Variants in CNTLN observed in about 807,000 individuals in gnomAD.
CNTLN encodes centlein, centrosomal protein.
Under a neutral mutation model 180.0 loss-of-function variants are expected in CNTLN, and 212 were observed. The ratio of observed to expected loss-of-function variants is 1.18; its 90% confidence interval spans 1.05 to 1.32. The LOEUF is 1.32. Ranked by LOEUF, CNTLN falls within the 40% of genes most tolerant of loss-of-function variation. CNTLN has a pLI of 0.00. For missense variants in CNTLN, 2,095 were observed against 1,610.9 expected (o/e 1.30, Z -5.14); for synonymous variants, 722 against 563.1 (o/e 1.28, Z -3.99).
Position 17,186,540 on chromosome 9 carries a change from C to T in CNTLN, c.450-39663C>T, listed in dbSNP as rs147671109. 5.7e-3 allele frequency among the ~76,000 whole-genome samples: 872 copies of T among 152,254 alleles called. 11 individuals carry two copies. Among genetic ancestry groups the T allele is most frequent in the African/African-American group, 0.02 (814 of 41,556 alleles). On this transcript the variant is annotated intron_variant, in intron 2 of 25. Coordinates refer to ENST00000380647, the MANE Select transcript of CNTLN (RefSeq NM_017738.4). ...TGGATTAGAAATTCTTGCCAGGCCA[C>T]CTTGCTTAGTGTAGTTTAATAGTAG...
intron 8 of CNTLN, among the ~76,000 whole-genome samples, chr9:17,327,491 T>C (rs1407347477): frequency 2.6e-5 from 2 of 76,532 alleles, no homozygotes; most frequent in African/African-American, 3.9e-5. Flanking sequence ...GCTGTTTCCT[T>C]TTTTTTTTTT....
At chr9:17,384,967 C>A (rs1825574209) in intron 13 of CNTLN, among the ~76,000 whole-genome samples, 1 of 152,210 alleles carries the variant, frequency 6.6e-6, no homozygotes, top group East Asian at 1.9e-4. Flanking sequence ...CATTTTAGAT[C>A]CCAGTCACAA....
chr9:17,322,664 T>A lies in CNTLN; in HGVS notation c.1342-7968T>A, dbSNP rs1317997164. On this transcript the variant is annotated intron_variant, in intron 8 of 25. Transcript: ENST00000380647. ...AAATTACATTACCCTTACTGAAATCTGAATGGCTTTTAGTGGATTAATTAA... is the reference window on the plus strand; with the variant it reads ...AAATTACATTACCCTTACTGAAATCAGAATGGCTTTTAGTGGATTAATTAA... Among the ~76,000 whole-genome samples the A allele has an allele frequency of 2.0e-5, 3 of 152,178 alleles. No homozygotes were observed. In the East Asian group the frequency reaches 5.8e-4, roughly 29 times the overall value.
intron 18 of CNTLN, among the ~76,000 whole-genome samples, chr9:17,453,060 C>T (rs1388202088): frequency 6.6e-6 from 1 of 151,992 alleles, no homozygotes; most frequent in Non-Finnish European, 1.5e-5. Flanking sequence ...GACTATAATC[C>T]AAGCATTTTG....
intron 5 of CNTLN, among the ~76,000 whole-genome samples, chr9:17,239,361 A>G (rs1176758082): frequency 6.6e-6 from 1 of 152,200 alleles, no homozygotes; most frequent in Non-Finnish European, 1.5e-5. Context: ...TTGTGTACAT[A>G]CTGGATCCAC....
chr9:17,241,020 G>T (rs962781678), intron 5 of CNTLN, among the ~76,000 whole-genome samples: 1 of 151,978 alleles, frequency 6.6e-6, no homozygotes, highest in African/African-American at 2.4e-5. Flanking sequence ...CACCACACCC[G>T]GCTAATTTTT....
intron 2 of CNTLN, among the ~76,000 whole-genome samples, chr9:17,215,390 G>A (rs749609352): frequency 6.6e-5 from 10 of 152,186 alleles, no homozygotes; most frequent in Non-Finnish European, 1.5e-4. Flanking sequence ...AGCAAATGTT[G>A]CTGCCTGATC....
At chr9:17,446,765 A>G (rs961592315) in intron 18 of CNTLN, among the ~76,000 whole-genome samples, 1 of 152,168 alleles carries the variant, frequency 6.6e-6, no homozygotes, top group Non-Finnish European at 1.5e-5. Flanking sequence ...GCTAGTCCAC[A>G]AAGGCCTTTT....
rs1422799208 is a variant in CNTLN, at chr9:17,263,381, T to C, written c.850-10352T>C. Among the ~76,000 whole-genome samples the C allele has an allele frequency of 2.0e-5, 3 of 151,172 alleles. 1 individual carries two copies. Among genetic ancestry groups the C allele is most frequent in the Non-Finnish European group, 4.4e-5 (3 of 68,028 alleles). ...TACAAAGGACATGAACTCATCATTT[T>C]TTATGGCTGCATAGTATTCCATGGT... On this transcript the variant is annotated intron_variant, in intron 5 of 25. Coordinates refer to ENST00000380647, the MANE Select transcript of CNTLN (RefSeq NM_017738.4).
chr9:17,453,195 C>T (rs905615192), intron 18 of CNTLN, among the ~76,000 whole-genome samples: 3 of 151,972 alleles, frequency 2.0e-5, no homozygotes, highest in African/African-American at 4.8e-5. Context: ...TACCTGTAGT[C>T]CCTGCTGCTC....
chr9:17,204,283 A>ATC (rs1218301624), intron 2 of CNTLN, among the ~76,000 whole-genome samples: 1 of 151,864 alleles, frequency 6.6e-6, no homozygotes, highest in Non-Finnish European at 1.5e-5. Context: ...TTTTTTCCTC[A>ATC]TCTCCATGGA....
chr9:17,212,441 G>A (rs1221696374), intron 2 of CNTLN, among the ~76,000 whole-genome samples: 1 of 152,188 alleles, frequency 6.6e-6, no homozygotes, highest in Non-Finnish European at 1.5e-5. Flanking sequence ...TTGATGTGCT[G>A]CTGGATTTGG....
chr9:17,304,677 C>A (rs1012925473), intron 7 of CNTLN, among the ~76,000 whole-genome samples: 1 of 151,872 alleles, frequency 6.6e-6, no homozygotes, highest in African/African-American at 2.4e-5. Context: ...CAGATTCAAC[C>A]AACCTTGAAT....
intron 23 of CNTLN, among the ~76,000 whole-genome samples, chr9:17,471,718 A>G (rs138849867): frequency 4.9e-4 from 74 of 152,050 alleles, no homozygotes; most frequent in African/African-American, 1.6e-3. Flanking sequence ...GTTTTTCAAA[A>G]CCCTTTGAGG....
intron 2 of CNTLN, among the ~76,000 whole-genome samples, chr9:17,147,205 G>A (rs1257423925): frequency 2.0e-5 from 3 of 152,212 alleles, no homozygotes; most frequent in African/African-American, 7.2e-5. Context: ...AGACTTCATT[G>A]TAGTGAATGA....
At chr9:17,193,155 A>G (rs1471472544) in intron 2 of CNTLN, among the ~76,000 whole-genome samples, 2 of 152,152 alleles carry the variant, frequency 1.3e-5, no homozygotes, top group East Asian at 3.9e-4. Flanking sequence ...GTACAATTCA[A>G]GATGAGATTT....
chr9:17,218,937 TTAA>T (rs2132033729), intron 2 of CNTLN, among the ~76,000 whole-genome samples: 2 of 152,298 alleles, frequency 1.3e-5, no homozygotes, highest in African/African-American at 4.8e-5. Flanking sequence ...ATTTTGTTTC[TTAA>T]TGATTCAGAA....
intron 16 of CNTLN, among the ~76,000 whole-genome samples, chr9:17,413,337 G>A (rs1827993473): frequency 6.6e-6 from 1 of 152,082 alleles, no homozygotes; most frequent in Admixed American, 6.6e-5. Context: ...AGAAAATCTT[G>A]AAGTCTTAGA....
intron 25 of CNTLN, among the ~76,000 whole-genome samples, chr9:17,488,302 G>A (rs1225580560): frequency 6.6e-6 from 1 of 151,174 alleles, no homozygotes; most frequent in African/African-American, 2.4e-5. Context: ...GCTAGACAAA[G>A]CCTTTTACAC....
Sources: gnomAD v4.1 joint callset for allele counts (sites outside exome capture counted in the v4.1 genomes callset) on GRCh38, gnomAD v4.1.1 for gene constraint, MANE v1.5 for transcripts, NCBI Gene and HGNC (gene_info 2026-07-23, HGNC 2026-07-21) for gene names.